PEBP4: variants seen among roughly 807,000 people sequenced by gnomAD.
PEBP4 encodes the protein phosphatidylethanolamine binding protein 4.
A neutral mutation model predicts 23.9 loss-of-function variants in PEBP4; 22 were observed. The ratio of observed to expected loss-of-function variants is 0.92; its 90% CI spans 0.66 to 1.31. The LOEUF (loss-of-function observed/expected upper bound fraction) is 1.31, where lower values mean the gene tolerates loss of function less well. Among genes scored for constraint, PEBP4 ranks in the 40% most tolerant of loss-of-function variants. PEBP4 has a pLI of 0.00. For synonymous variants in PEBP4, 112 were observed against 99.3 expected, an observed-to-expected ratio of 1.13 and a Z score of -0.76; for missense variants, 324 against 281.7, an observed-to-expected ratio of 1.15 and a Z score of -1.07.
chr8:22,819,898 G>C (rs576030386), intron 3 of PEBP4, among the ~76,000 whole-genome samples: 1 of 152,132 alleles, frequency 6.6e-6, no homozygotes, highest in South Asian at 2.1e-4. Flanking sequence ...GAGCCACCGC[G>C]CCCAGCCCAA....
At chr8:22,906,956 G>A (rs987893166) in intron 3 of PEBP4, among the ~76,000 whole-genome samples, 3 of 152,246 alleles carry the variant, frequency 2.0e-5, no homozygotes, top group African/African-American at 4.8e-5. Context: ...AGGTTAGAAG[G>A]TGAACACGAA....
At chr8:22,902,633 C>T (rs963528948) in intron 3 of PEBP4, among the ~76,000 whole-genome samples, 6 of 152,160 alleles carry the variant, frequency 3.9e-5, no homozygotes, top group African/African-American at 1.4e-4. Context: ...GCCCTGGACC[C>T]GATGAATGCT....
chr8:22,895,484 G>C (rs1808571017), intron 3 of PEBP4: 2 of 152,108 alleles, frequency 1.3e-5, no homozygotes, highest in African/African-American at 4.8e-5. Context: ...TTTATCTTTG[G>C]TTTTTAGCAG....
intron 3 of PEBP4, among the ~76,000 whole-genome samples, chr8:22,856,308 T>C (rs543530862): frequency 6.6e-6 from 1 of 152,366 alleles, no homozygotes; most frequent in South Asian, 2.1e-4. Context: ...TTTTTACTTG[T>C]CAAATTGGTA....
At chr8:22,790,370 G>A (rs78462764) in intron 4 of PEBP4, among the ~76,000 whole-genome samples, 4,380 of 152,272 alleles carry the variant, frequency 0.029, 112 homozygotes, top group South Asian at 0.068. Flanking sequence ...TAGATACAGG[G>A]ATTCAAGGGA....
intron 3 of PEBP4, chr8:22,880,639 G>T (rs1244970463): frequency 6.6e-6 from 1 of 152,592 alleles, no homozygotes; most frequent in Non-Finnish European, 1.5e-5. Context: ...GCTCCAGGTG[G>T]CCCGTGCCCT....
intron 3 of PEBP4, among the ~76,000 whole-genome samples, chr8:22,836,766 A>C (rs1407922086): frequency 6.6e-6 from 1 of 152,168 alleles, no homozygotes; most frequent in Non-Finnish European, 1.5e-5. Context: ...ACGTATGTAA[A>C]TTTCAAAGCT....
At chr8:22,845,266 G>T (rs1321753852) in intron 3 of PEBP4, among the ~76,000 whole-genome samples, 1 of 151,984 alleles carries the variant, frequency 6.6e-6, no homozygotes, top group Non-Finnish European at 1.5e-5. Context: ...AGACGCAGTG[G>T]CTCACGCCTG....
chr8:22,890,552 C>T (rs1808472836), intron 3 of PEBP4, among the ~76,000 whole-genome samples: 1 of 152,342 alleles, frequency 6.6e-6, no homozygotes, highest in South Asian at 2.1e-4. Context: ...CCTCTCTGTG[C>T]CCCAGTAGCA....
chr8:22,805,487 CAT>C (rs1806476503), intron 4 of PEBP4, among the ~76,000 whole-genome samples: 1 of 152,204 alleles, frequency 6.6e-6, no homozygotes, highest in Non-Finnish European at 1.5e-5. Flanking sequence ...CCACCATGCC[CAT>C]GTAATTTTGT....
At chr8:22,848,938 C>T (rs781754553) in intron 3 of PEBP4, among the ~76,000 whole-genome samples, 5 of 152,190 alleles carry the variant, frequency 3.3e-5, no homozygotes, top group Non-Finnish European at 7.3e-5. Context: ...GCCAGATAAC[C>T]TTACACTATT....
intron 3 of PEBP4, among the ~76,000 whole-genome samples, chr8:22,912,025 C>T (rs116829130): frequency 0.013 from 1,987 of 151,218 alleles, 50 homozygotes; most frequent in African/African-American, 0.046. Context: ...CTGGGGGTGG[C>T]GGATTGGGTA....
At chr8:22,847,959 C>G (rs1807472869) in intron 3 of PEBP4, among the ~76,000 whole-genome samples, 1 of 152,136 alleles carries the variant, frequency 6.6e-6, no homozygotes, top group Non-Finnish European at 1.5e-5. Context: ...ACTTTAAATG[C>G]CTAAACATTT....
intron 4 of PEBP4, among the ~76,000 whole-genome samples, chr8:22,747,782 A>G (rs1426094283): frequency 6.6e-6 from 1 of 152,186 alleles, no homozygotes; most frequent in Admixed American, 6.5e-5. Context: ...TGGCTGTTCC[A>G]ACGATGGACT....
chr8:22,817,608 C>T (rs749717714), intron 4 of PEBP4, 29 bp downstream of exon 4: 19 of 1,582,940 alleles, frequency 1.2e-5, no homozygotes, highest in East Asian at 6.7e-5. Flanking sequence ...ACCCCAAATG[C>T]GTCAGAGAGT....
At chr8:22,876,085 A>G (rs1808115592) in intron 3 of PEBP4, among the ~76,000 whole-genome samples, 1 of 151,978 alleles carries the variant, frequency 6.6e-6, no homozygotes, top group African/African-American at 2.4e-5. Flanking sequence ...TTATTTTGGT[A>G]CTTTTAGTAG....
In PEBP4 at chr8:22,768,534, C is replaced by G. The variant is rs569452177; in HGVS notation, c.358-41314G>C. Among the ~76,000 whole-genome samples, 100 of 152,336 alleles carry G rather than the reference C, an allele frequency of 6.6e-4. 1 individual carries two copies. The highest frequency in any genetic ancestry group is 2.3e-3 in the African/African-American group (96 of 41,576). On this transcript the variant is annotated intron_variant, in intron 4 of 6. Transcript: ENST00000256404. Reference sequence around the variant, plus strand: ...TGCTGAGGTGACAGTTCCCGGGCCTCCGGTGCGGAGCTCATTTTGTTTGCT... The same window carrying G: ...TGCTGAGGTGACAGTTCCCGGGCCTGCGGTGCGGAGCTCATTTTGTTTGCT...
chr8:22,917,593 C>G (rs1369197962), intron 3 of PEBP4, among the ~76,000 whole-genome samples: 1 of 152,188 alleles, frequency 6.6e-6, no homozygotes, highest in Non-Finnish European at 1.5e-5. Context: ...CACCTTTCAG[C>G]TCTGTACTTG....
chr8:22,910,055 G>A (rs1808905772), intron 3 of PEBP4, among the ~76,000 whole-genome samples: 1 of 152,240 alleles, frequency 6.6e-6, no homozygotes, highest in East Asian at 1.9e-4. Flanking sequence ...ACGAGGTACT[G>A]AGGCAGCACA....
Sources: allele counts gnomAD v4.1 joint callset (sites outside exome capture counted in the v4.1 genomes callset), GRCh38; gene constraint gnomAD v4.1.1; transcripts MANE v1.5; gene names NCBI Gene and HGNC (gene_info 2026-07-23, HGNC 2026-07-21).